The following MROH6 variants were observed in gnomAD, a reference collection of about 807,000 sequenced individuals.
MROH6 encodes maestro heat-like repeat-containing protein family member 6.
In MROH6, 62 loss-of-function variants were observed where a neutral mutation model predicts 67.7. That is an observed-to-expected ratio of 0.92 (90% confidence interval 0.75 to 1.13). MROH6 has a LOEUF of 1.13. MROH6 is among the 50% of genes most tolerant of loss of function. The pLI is 0.00. For missense variants in MROH6, 1,175 were observed against 1,029.1 expected (o/e 1.14, Z -1.94); for synonymous variants, 566 against 470.8 (o/e 1.20, Z -2.62).
intron 8 of MROH6, 21 bp downstream of exon 8, chr8:143,569,676 A>AC: frequency 6.2e-6 from 10 of 1,609,850 alleles, no homozygotes; most frequent in Non-Finnish European, 8.5e-6. Flanking sequence ...GCCCCTCTCC[A>AC]CCCCTCCCCT....
At chr8:143,569,350 A>T (rs1262882344) in intron 9 of MROH6, 91 bp downstream of exon 9, 1 of 955,748 alleles carries the variant, frequency 1.0e-6, no homozygotes, top group Admixed American at 9.4e-5. Context: ...TGGGCGGGAG[A>T]GACGGGGGCG....
intron 2 of MROH6, 56 bp from the exon 3 acceptor site, chr8:143,571,877 C>T: frequency 6.6e-7 from 1 of 1,509,836 alleles, no homozygotes. Context: ...GTCCATTCCC[C>T]TCTGGCCTGC....
chr8:143,567,455 T>G lies in MROH6; in HGVS notation c.1944A>C (p.Arg648=). ...LLDSLFQDLG[R]LQSDPKPAVA... ...CAGCCGGCTTGGGGTCGCTCTGCAG[T>G]CGCCCTAGGTCTGCGAGGAGATCGC... is the stretch of plus-strand genomic sequence containing the variant. The change falls in exon 14 of 14, where the codon CGA becomes CGC. Residue 648 remains arginine (R), a synonymous_variant. Transcript: ENST00000398882. 1 of 1,375,688 alleles carries G rather than the reference T, an allele frequency of 7.3e-7. No individual in the cohort carries two copies. Among genetic ancestry groups the G allele is most frequent in the Non-Finnish European group, 9.4e-7 (1 of 1,061,284 alleles). 85.2% of individuals were successfully genotyped at this position (1,375,688 alleles called of 1,614,324 possible).
rs1372762006 is a variant in MROH6, at chr8:143,572,061, T to C, written c.419A>G (p.Glu140Gly). 3 of 1,611,722 alleles carry C rather than the reference T, an allele frequency of 1.9e-6. No individual in the cohort carries two copies. The highest frequency in any genetic ancestry group is 2.5e-6 in the Non-Finnish European group (3 of 1,179,360). ...GTCCTCCAACCGCTCGCCCCGGGCC[T>C]CCAGGGCTGAGGACAGGGTGAGCAC... ...ATVLTLSSAL[E>G]ARGERLEDQV... is the part of the protein sequence containing the mutation. The change falls in exon 2 of 14, where the codon GAG becomes GGG. Residue 140 changes from glutamate (E) to glycine (G), a missense_variant. Glu to Gly is a moderately conservative substitution (Grantham distance 98, BLOSUM62 -2). Coordinates refer to ENST00000398882, the MANE Select transcript of MROH6 (RefSeq NM_001100878.2).
intron 1 of MROH6, 27 bp from the exon 2 acceptor site, chr8:143,572,212 A>T: frequency 2.5e-6 from 4 of 1,610,326 alleles, no homozygotes; most frequent in Non-Finnish European, 3.4e-6. Flanking sequence ...GGGGCGTCTG[A>T]AGTGCCCAAA....
chr8:143,567,939 G>C (rs1823725607), intron 11 of MROH6, 51 bp from the exon 12 acceptor site: 1 of 1,492,344 alleles, frequency 6.7e-7, no homozygotes. Context: ...CCTGAGTGCG[G>C]AGGAGGCTGC....
Position 143,570,077 on chromosome 8 carries a change from G to A in MROH6, c.1044-12C>T, listed in dbSNP as rs759120786. 2 of 1,606,080 alleles carry A rather than the reference G, an allele frequency of 1.2e-6. No homozygotes were observed. The highest frequency in any genetic ancestry group is 1.7e-6 in the Non-Finnish European group (2 of 1,177,316). ...GTGCCACCATAGCACTGGGGTGGGT[G>A]GAAATGGGAGCTCTCGCTCCGTTTG... On this transcript the variant is annotated splice_polypyrimidine_tract_variant and intron_variant, in intron 6 of 13. Coordinates refer to ENST00000398882, the MANE Select transcript of MROH6 (RefSeq NM_001100878.2).
At chr8:143,572,240 C>G in intron 1 of MROH6, 55 bp from the exon 2 acceptor site, 1 of 1,590,162 alleles carries the variant, frequency 6.3e-7, no homozygotes, top group Non-Finnish European at 8.6e-7. Context: ...TAGCTCTCCT[C>G]CTGGTCCCTC....
chr8:143,569,519 C>A lies in MROH6; in HGVS notation c.1398G>T (p.Arg466Ser). The A allele has an allele frequency of 6.7e-7, 1 of 1,500,704 alleles. No individual in the cohort carries two copies. Among genetic ancestry groups the A allele is most frequent in the South Asian group, 1.2e-5 (1 of 80,070 alleles). The allele number at this position is 1,500,704 out of a possible 1,614,324, so 93.0% of individuals were successfully genotyped here. A position where few individuals can be genotyped will look rare whatever the true frequency, so the allele number is the denominator to read the frequency against. The change falls in exon 9 of 14, where the codon AGG (arginine) becomes AGT (serine). Residue 466 changes from arginine (R) to serine (S), a missense_variant. By Grantham distance (110) the Arg-to-Ser change is moderately radical. Transcript: ENST00000398882. ...LVGAALGALR[R>S]LLLRPRAPVR... ...CAGGCGCCCGGGGCCGCAGCAGGAG[C>A]CTCCTCAGGGCGCCCAGCGCTGCAC... is the stretch of plus-strand genomic sequence containing the variant.
At position 143,567,699 on chromosome 8, in the gene MROH6, G is replaced by A. The variant is rs201634579; in HGVS notation, c.1868-23C>T. ...AGCCTGGACCACAGCAGATGCATGA[G>A]TGCAGGCCCCACAGCCCCCCAGGGG... On this transcript the variant is annotated intron_variant, in intron 12 of 13. Coordinates refer to ENST00000398882, the MANE Select transcript of MROH6 (RefSeq NM_001100878.2). The A allele has an allele frequency of 1.2e-4, 189 of 1,577,620 alleles. 1 individual carries two copies. The Middle Eastern group carries it at 2.5e-3, about 21-fold the overall frequency.
rs1044808412 is a variant in MROH6 at position 143,566,396 on chromosome 8, C to T, written c.*843G>A. ...GGAGGCCACGAATGCAAGGACATTT[C>T]CAGGCAGGCATCCTAGGTGCAGGGA... On this transcript the variant is annotated 3_prime_UTR_variant, in exon 14 of 14. Transcript: ENST00000398882. 4 of 152,286 alleles carry T rather than the reference C, an allele frequency of 2.6e-5. No homozygotes were observed. Among genetic ancestry groups the T allele is most frequent in the Admixed American group, 6.5e-5 (1 of 15,286 alleles). The allele number at this position is 152,286 out of a possible 1,614,324, so 9.4% of individuals were successfully genotyped here. A position where few individuals can be genotyped will look rare whatever the true frequency, so the allele number is the denominator to read the frequency against.
chr8:143,571,629 G>A, intron 3 of MROH6, 38 bp downstream of exon 3: 1 of 1,551,764 alleles, frequency 6.4e-7, no homozygotes, highest in South Asian at 1.2e-5. Context: ...AGGGAAGGAA[G>A]CCGCGTGGGG....
Position 143,570,910 on chromosome 8 carries a change from C to A in MROH6, c.687G>T (p.Lys229Asn). 1.9e-6 allele frequency: 3 copies of A among 1,548,630 alleles called. No individual in the cohort carries two copies. The highest frequency in any genetic ancestry group is 2.6e-6 in the Non-Finnish European group (3 of 1,146,902). Residue 229 changes from lysine to asparagine, a missense_variant, in exon 4 of 14, where the codon AAG becomes AAT. Lys to Asn is a moderately conservative substitution (Grantham distance 94). Coordinates refer to ENST00000398882, the MANE Select transcript of MROH6 (RefSeq NM_001100878.2). The part of the protein sequence containing the change: ...QVLVQLLWAL[K>N]GASGPEPQAL... ...CCTGGGGCTCCGGCCCCGAAGCACCCTTCAGCGCCCACAGCAGTTGCACCA... is the reference window on the plus strand; with the variant it reads ...CCTGGGGCTCCGGCCCCGAAGCACCATTCAGCGCCCACAGCAGTTGCACCA...
At position 143,572,160 on chromosome 8, in the gene MROH6, C is replaced by T; in HGVS notation, c.320G>A (p.Gly107Glu). Reference protein sequence around the residue: ...HQVPQSSWEEGVLADLALYTA... With the variant: ...HQVPQSSWEEEVLADLALYTA... ...GTACAACGCGAGGTCGGCAAGAACTCCCTCCTCCCAGGAACTCTGGGGAAC... is the reference window on the plus strand; with the variant it reads ...GTACAACGCGAGGTCGGCAAGAACTTCCTCCTCCCAGGAACTCTGGGGAAC... Residue 107 changes from glycine (G) to glutamate (E), a missense_variant, in exon 2 of 14, where the codon GGA becomes GAA. Gly to Glu is a moderately conservative substitution (Grantham distance 98). Coordinates refer to ENST00000398882, the MANE Select transcript of MROH6 (RefSeq NM_001100878.2). The T allele has an allele frequency of 6.2e-7, 1 of 1,613,002 alleles. No individual in the cohort carries two copies.
At chr8:143,572,277 T>C in intron 1 of MROH6, 92 bp from the exon 2 acceptor site, 2 of 1,551,600 alleles carry the variant, frequency 1.3e-6, no homozygotes, top group Non-Finnish European at 1.7e-6. Flanking sequence ...TCCTACAAAA[T>C]CCCTTGCTCC....
Position 143,572,396 on chromosome 8 carries a change from C to A in MROH6, c.294+25G>T, listed in dbSNP as rs1227820219. ...CACAGGACCCCCAGGCCGGTTCGCA[C>A]AACATCCCTTCCCTCCCCCGTCACC... On this transcript the variant is annotated intron_variant, in intron 1 of 13. Coordinates refer to ENST00000398882, the MANE Select transcript of MROH6 (RefSeq NM_001100878.2). 2.6e-6 allele frequency: 4 copies of A among 1,534,714 alleles called. No individual in the cohort carries two copies. The Admixed American group carries it at 7.6e-5, about 29-fold the overall frequency.
rs1024399837 is a variant in MROH6 at position 143,569,426 on chromosome 8, G to A, written c.1476+15C>T. 1.4e-6 allele frequency: 2 copies of A among 1,430,314 alleles called. No individual in the cohort carries two copies. The highest frequency in any genetic ancestry group is 3.0e-5 in the African/African-American group (2 of 66,384). 88.6% of individuals were successfully genotyped at this position (1,430,314 alleles called of 1,614,324 possible). A position where few individuals can be genotyped will look rare whatever the true frequency, so the allele number is the denominator to read the frequency against. On this transcript the variant is annotated intron_variant, in intron 9 of 13. Transcript: ENST00000398882. ...AGCGGCAGGGGCGGGACCCGGAGGC[G>A]GGGCGTTTGCTCACGTCGTCCAGTA...
At position 143,566,322 on chromosome 8, in the gene MROH6, C is replaced by A. The variant is rs368290200; in HGVS notation, c.*917G>T. ...GGTCCCAGCCCTTCACAAGGCTGCA[C>A]ACACTCCCTGTGCACTCGCAGAGGC... On this transcript the variant is annotated 3_prime_UTR_variant, in exon 14 of 14. Coordinates refer to ENST00000398882, the MANE Select transcript of MROH6 (RefSeq NM_001100878.2). 4 of 152,396 alleles carry A rather than the reference C, an allele frequency of 2.6e-5. No homozygotes were observed. The East Asian group carries it at 7.7e-4, about 29-fold the overall frequency. 9.4% of individuals were successfully genotyped at this position (152,396 alleles called of 1,614,324 possible). A position where few individuals can be genotyped will look rare whatever the true frequency, so the allele number is the denominator to read the frequency against.
Position 143,571,530 on chromosome 8 carries a change from G to A in MROH6, c.602+137C>T, listed in dbSNP as rs1824036869. On this transcript the variant is annotated intron_variant, in intron 3 of 13. Transcript: ENST00000398882. Reference sequence around the variant, plus strand: ...ATGAGGGGAGCGGGAATGGATACGGGGCATGAGTCATCGCGGGGCTGGAAT... The same window carrying A: ...ATGAGGGGAGCGGGAATGGATACGGAGCATGAGTCATCGCGGGGCTGGAAT... 4 of 1,156,030 alleles carry A rather than the reference G, an allele frequency of 3.5e-6. No individual in the cohort carries two copies. In the East Asian group the frequency reaches 1.0e-4, roughly 30 times the overall value. 71.6% of individuals were successfully genotyped at this position (1,156,030 alleles called of 1,614,324 possible).
Sources: gnomAD v4.1 joint callset for allele counts on GRCh38, gnomAD v4.1.1 for gene constraint, MANE v1.5 for transcripts, NCBI Gene and HGNC (gene_info 2026-07-23, HGNC 2026-07-21) for gene names.